EGFLAM: variants seen among roughly 807,000 people sequenced by gnomAD.
The protein encoded by EGFLAM is pikachurin.
A neutral mutation model predicts 113.1 loss-of-function variants in EGFLAM; 79 were observed. The ratio of observed to expected loss-of-function variants is 0.70; its 90% CI spans 0.58 to 0.84. The LOEUF (loss-of-function observed/expected upper bound fraction) is 0.84, where lower values mean the gene tolerates loss of function less well. Ranked by LOEUF, EGFLAM falls within the 40% of genes least tolerant of loss-of-function variation. The probability of loss-of-function intolerance (pLI) is 0.00; values close to 1 mark genes in which losing one functional copy is unlikely to be tolerated. For synonymous variants in EGFLAM, 504 were observed against 487.6 expected (o/e 1.03, Z -0.44); for missense variants, 1,265 against 1,291.6 (o/e 0.98, Z 0.32).
intron 17 of EGFLAM, among the ~76,000 whole-genome samples, chr5:38,446,927 A>G (rs1178220536): frequency 6.6e-6 from 1 of 151,958 alleles, no homozygotes; most frequent in Non-Finnish European, 1.5e-5. Flanking sequence ...TGGGGTGGAG[A>G]GTCCTTCGTT....
In EGFLAM at chr5:38,350,490, G is replaced by C. The variant is rs1739591990; in HGVS notation, c.292-11G>C. The C allele has an allele frequency of 6.2e-7, 1 of 1,612,486 alleles. No individual in the cohort carries two copies. The highest frequency in any genetic ancestry group is 8.5e-7 in the Non-Finnish European group (1 of 1,178,970). ...TGATTGTTAGCATCTTTCTTGTTTG[G>C]TCATTGACAGGAGGAAGTGATTGGA... is the stretch of plus-strand genomic sequence containing the variant. On this transcript the variant is annotated splice_polypyrimidine_tract_variant and intron_variant, in intron 3 of 21. Transcript: ENST00000322350.
intron 3 of EGFLAM, among the ~76,000 whole-genome samples, chr5:38,341,127 C>T (rs1199455223): frequency 4.6e-5 from 7 of 152,148 alleles, no homozygotes; most frequent in African/African-American, 1.4e-4. Context: ...GCAGCAGGCT[C>T]ACATGGGCAC....
chr5:38,291,142 G>T (rs1758319563), intron 1 of EGFLAM, among the ~76,000 whole-genome samples: 1 of 152,148 alleles, frequency 6.6e-6, no homozygotes, highest in African/African-American at 2.4e-5. Context: ...CTCACTCTGT[G>T]GTGTCTCGCA....
chr5:38,449,599 G>C (rs1022127516), intron 18 of EGFLAM, among the ~76,000 whole-genome samples: 3 of 152,114 alleles, frequency 2.0e-5, no homozygotes, highest in Non-Finnish European at 4.4e-5. Flanking sequence ...GGCTTGATGA[G>C]AGCAGGAGAC....
chr5:38,258,587 G>T lies in EGFLAM; in HGVS notation c.-168G>T, dbSNP rs558902335. On this transcript the variant is annotated 5_prime_UTR_variant, in exon 1 of 22. Coordinates refer to ENST00000322350, the MANE Select transcript of EGFLAM (RefSeq NM_152403.4). ...CGCGCACGCCGACCTCCCGGCTGCA[G>T]TCCTACCTCTTGGAACTACCCGTGT... is the stretch of plus-strand genomic sequence containing the variant. 1.7e-4 allele frequency: 127 copies of T among 740,016 alleles called. No individual in the cohort carries two copies. The highest frequency in any genetic ancestry group is 1.4e-3 in the South Asian group (84 of 57,980). The allele number at this position is 740,016 out of a possible 1,614,324, so 45.8% of individuals were successfully genotyped here. A position where few individuals can be genotyped will look rare whatever the true frequency, so the allele number is the denominator to read the frequency against.
intron 19 of EGFLAM, among the ~76,000 whole-genome samples, chr5:38,457,111 G>A (rs954452909): frequency 2.0e-5 from 3 of 152,202 alleles, no homozygotes; most frequent in Non-Finnish European, 4.4e-5. Flanking sequence ...AAACCTGATA[G>A]CAGAGTTAAA....
intron 3 of EGFLAM, among the ~76,000 whole-genome samples, chr5:38,343,022 C>T (rs922336441): frequency 6.6e-6 from 1 of 152,118 alleles, no homozygotes; most frequent in African/African-American, 2.4e-5. Context: ...TTACAGGAAT[C>T]AGAAGACGTG....
intron 1 of EGFLAM, among the ~76,000 whole-genome samples, chr5:38,296,928 CTAAT>C (rs1294002370): frequency 6.6e-6 from 1 of 151,588 alleles, no homozygotes; most frequent in East Asian, 1.9e-4. Context: ...TAACCGCAAT[CTAAT>C]TGTGAAAAAA....
intron 18 of EGFLAM, among the ~76,000 whole-genome samples, chr5:38,450,535 T>G (rs887186898): frequency 2.6e-5 from 4 of 152,220 alleles, no homozygotes; most frequent in African/African-American, 7.2e-5. Context: ...AGTAGCAATG[T>G]TAAATTATGT....
At chr5:38,433,869 C>T (rs750420565) in intron 15 of EGFLAM, among the ~76,000 whole-genome samples, 2 of 152,168 alleles carry the variant, frequency 1.3e-5, no homozygotes, top group African/African-American at 2.4e-5. Context: ...TCAAAGCTGC[C>T]GGAAGGCTAT....
chr5:38,285,466 G>A lies in EGFLAM; in HGVS notation c.97+26615G>A, dbSNP rs76190818. ...TACACACACTCCACATTAGCAGGGA[G>A]GGTGGAAGTGGGTGGGGGAGGTGAT... On this transcript the variant is annotated intron_variant, in intron 1 of 21. Coordinates refer to ENST00000322350, the MANE Select transcript of EGFLAM (RefSeq NM_152403.4). Among the ~76,000 whole-genome samples, 1,359 of 152,270 alleles carry A rather than the reference G, an allele frequency of 8.9e-3. 23 individuals are homozygous for A. The highest frequency in any genetic ancestry group is 0.029 in the African/African-American group (1,187 of 41,550).
intron 6 of EGFLAM, among the ~76,000 whole-genome samples, chr5:38,397,592 A>T (rs930009577): frequency 2.0e-5 from 3 of 151,966 alleles, no homozygotes; most frequent in Non-Finnish European, 2.9e-5. Context: ...CACGTCCAGC[A>T]TCAGATTCAA....
chr5:38,335,219 G>A (rs1003556827), intron 1 of EGFLAM, among the ~76,000 whole-genome samples: 2 of 152,170 alleles, frequency 1.3e-5, no homozygotes, highest in South Asian at 2.1e-4. Context: ...GTATGTACTC[G>A]ATAAATTTTA....
chr5:38,361,131 G>A (rs891431898), intron 5 of EGFLAM, among the ~76,000 whole-genome samples: 1 of 151,218 alleles, frequency 6.6e-6, no homozygotes, highest in African/African-American at 2.4e-5. Context: ...CTCCCAAACT[G>A]CTGGGATTGT....
intron 13 of EGFLAM, among the ~76,000 whole-genome samples, 197 bp from the exon 14 acceptor site, chr5:38,426,812 G>T (rs1490189815): frequency 6.6e-6 from 1 of 152,128 alleles, no homozygotes; most frequent in Non-Finnish European, 1.5e-5. Flanking sequence ...AGTTTTAGGG[G>T]CCAGACTTAG....
At chr5:38,438,933 A>G (rs1180010052) in intron 17 of EGFLAM, among the ~76,000 whole-genome samples, 2 of 152,240 alleles carry the variant, frequency 1.3e-5, no homozygotes, top group East Asian at 3.8e-4. Context: ...TCCAAACTAA[A>G]GTATGCATAA....
In EGFLAM at chr5:38,342,952, G is replaced by T. The variant is rs187973431; in HGVS notation, c.291+4171G>T. The stretch of plus-strand genomic sequence containing the variant: ...AGTGGATTGTCTTGCTGTCCCCGGC[G>T]ATGCACCACCACCCTGCTTTAGAGT... On this transcript the variant is annotated intron_variant, in intron 3 of 21. Transcript: ENST00000322350. Among the ~76,000 whole-genome samples, 785 of 152,242 alleles carry T rather than the reference G, an allele frequency of 5.2e-3. 12 individuals are homozygous for T. Among genetic ancestry groups the T allele is most frequent in the African/African-American group, 0.018 (752 of 41,538 alleles).
intron 1 of EGFLAM, among the ~76,000 whole-genome samples, chr5:38,324,043 C>CAAA (rs34351121): frequency 8.7e-5 from 8 of 92,288 alleles, no homozygotes; most frequent in African/African-American, 2.0e-4. Context: ...CCATCTCAAA[C>CAAA]AAAAAAAAAA....
At position 38,304,094 on chromosome 5, in the gene EGFLAM, G is replaced by A. The variant is rs527659144; in HGVS notation, c.98-33426G>A. The stretch of plus-strand genomic sequence containing the variant: ...TAGTGAGCCAAGGTCACGCCATTGC[G>A]CTCCAGCCTGGGCAACAAGAACAAA... On this transcript the variant is annotated intron_variant, in intron 1 of 21. Transcript: ENST00000322350. Among the ~76,000 whole-genome samples, 36 of 150,320 alleles carry A rather than the reference G, an allele frequency of 2.4e-4. No homozygotes were observed. The East Asian group carries it at 3.7e-3, about 16-fold the overall frequency.
Sources: gnomAD v4.1 joint callset for allele counts (sites outside exome capture counted in the v4.1 genomes callset) on GRCh38, gnomAD v4.1.1 for gene constraint, MANE v1.5 for transcripts, NCBI Gene and HGNC (gene_info 2026-07-23, HGNC 2026-07-21) for gene names.